Variants in USP20 observed in about 807,000 individuals in gnomAD.
USP20 encodes ubiquitin carboxyl-terminal hydrolase 20.
USP20 carries 80 observed loss-of-function variants against 124.2 expected under a neutral mutation model. The ratio of observed to expected loss-of-function variants is 0.64; its 90% CI spans 0.54 to 0.78. The LOEUF (loss-of-function observed/expected upper bound fraction) is 0.78. USP20 is among the 30% of genes least tolerant of loss of function. USP20 has a pLI of 0.00. For synonymous variants in USP20, 481 were observed against 512.3 expected, an observed-to-expected ratio of 0.94 and a Z score of 0.83; for missense variants, 1,043 against 1,244.4, an observed-to-expected ratio of 0.84 and a Z score of 2.44.
At chr9:129,843,537 C>T (rs561875784) in intron 1 of USP20, among the ~76,000 whole-genome samples, 1 of 152,034 alleles carries the variant, frequency 6.6e-6, no homozygotes. Flanking sequence ...GAGTTCAAGA[C>T]CAGCCTGACC....
chr9:129,875,192 G>T, intron 19 of USP20, 118 bp from the exon 20 acceptor site: 1 of 1,279,712 alleles, frequency 7.8e-7, no homozygotes, highest in Non-Finnish European at 1.1e-6. Flanking sequence ...GACCCGTGAA[G>T]GACCCAGGAG....
intron 15 of USP20, among the ~76,000 whole-genome samples, chr9:129,873,058 A>AT (rs2034199220): frequency 1.2e-5 from 1 of 81,122 alleles, no homozygotes; most frequent in African/African-American, 4.3e-5. Flanking sequence ...CTCAGGTTTT[A>AT]TTTCTTTTTC....
chr9:129,868,172 T>TGACTC lies in USP20; in HGVS notation c.861_865dup (p.Ser289ThrfsTer26). On this transcript the variant is annotated frameshift_variant, in exon 11 of 26. Transcript: ENST00000372429. LOFTEE classifies it high-confidence loss of function. ...CATCAGAAGATGAGTTCTTGTCCTGTGACTCGAGCAGTGACCGGGGTGAGG... is the reference window on the plus strand; with the variant it reads ...CATCAGAAGATGAGTTCTTGTCCTGTGACTCGACTCGAGCAGTGACCGGGGTGAGG... 6.2e-7 allele frequency: 1 copy of TGACTC among 1,614,090 alleles called. No homozygotes were observed. The highest frequency in any genetic ancestry group is 8.5e-7 in the Non-Finnish European group (1 of 1,179,970).
chr9:129,865,466 G>A (rs565495568), intron 10 of USP20, 85 bp downstream of exon 10: 24 of 1,423,846 alleles, frequency 1.7e-5, no homozygotes, highest in Non-Finnish European at 2.2e-5. Context: ...GTGGAAAATC[G>A]CAATGGCAGC....
At chr9:129,874,506 C>A in intron 17 of USP20, 70 bp from the exon 18 acceptor site, 1 of 1,581,150 alleles carries the variant, frequency 6.3e-7, no homozygotes, top group Non-Finnish European at 8.6e-7. Flanking sequence ...CTGTCCTGGG[C>A]CCGTGGGCAA....
rs1174168094 is a variant in USP20 at position 129,875,626 on chromosome 9, A to G, written c.2285A>G (p.Glu762Gly). 1 of 1,614,008 alleles carries G rather than the reference A, an allele frequency of 6.2e-7. No individual in the cohort carries two copies. The highest frequency in any genetic ancestry group is 8.5e-7 in the Non-Finnish European group (1 of 1,179,994). ...GTCATCCTGCCCCAGAACGTCTGGG[A>G]GCACCTGTACAACAGGTGAGAGCCT... ...LVVILPQNVW[E>G]HLYNRFGGGP... is the part of the protein sequence containing the mutation. The change falls in exon 21 of 26, where the codon GAG becomes GGG. Residue 762 changes from glutamate to glycine, a missense_variant. Coordinates refer to ENST00000372429, the MANE Select transcript of USP20 (RefSeq NM_001110303.4).
intron 1 of USP20, among the ~76,000 whole-genome samples, chr9:129,845,091 A>C (rs56120543): frequency 0.013 from 2,019 of 152,238 alleles, 35 homozygotes; most frequent in South Asian, 0.061. Context: ...TACAAAAAAC[A>C]CATGTTGAGG....
intron 6 of USP20, among the ~76,000 whole-genome samples, 180 bp downstream of exon 6, chr9:129,858,778 C>G (rs1409645648): frequency 6.6e-6 from 1 of 152,174 alleles, no homozygotes; most frequent in African/African-American, 2.4e-5. Context: ...GAGCCCAACT[C>G]TGTGCCGAGG....
chr9:129,851,078 A>G (rs1392189699), intron 2 of USP20, among the ~76,000 whole-genome samples: 1 of 152,192 alleles, frequency 6.6e-6, no homozygotes, highest in Non-Finnish European at 1.5e-5. Flanking sequence ...AGCTATAATC[A>G]GCAGTCAGAT....
chr9:129,870,601 A>T, intron 15 of USP20, 54 bp downstream of exon 15: 2 of 1,579,552 alleles, frequency 1.3e-6, no homozygotes, highest in Non-Finnish European at 1.7e-6. Context: ...GGGGACGGGG[A>T]TGTGCAGACC....
chr9:129,846,245 ATATTTTTTT>A (rs1274493765), intron 1 of USP20, among the ~76,000 whole-genome samples: 18 of 43,400 alleles, frequency 4.1e-4, no homozygotes, highest in Non-Finnish European at 7.3e-4. Context: ...ATATATATAT[ATATTTTTTT>A]TTTTTTTTTT....
chr9:129,868,856 C>G lies in USP20; in HGVS notation c.1136-6C>G, dbSNP rs1588277735. 1 of 1,551,926 alleles carries G rather than the reference C, an allele frequency of 6.4e-7. No individual in the cohort carries two copies. Among genetic ancestry groups the G allele is most frequent in the African/African-American group, 1.4e-5 (1 of 73,192 alleles). On this transcript the variant is annotated splice_region_variant and splice_polypyrimidine_tract_variant and intron_variant, in intron 11 of 25. Transcript: ENST00000372429. Reference sequence around the variant, plus strand: ...TGGCCCAGCATGGTACCCTCTCTGCCCCCAGAGCCGGACAATGATGCTCAC... The same window carrying G: ...TGGCCCAGCATGGTACCCTCTCTGCGCCCAGAGCCGGACAATGATGCTCAC...
intron 14 of USP20, 127 bp downstream of exon 14, chr9:129,869,971 C>A: frequency 1.7e-6 from 2 of 1,162,826 alleles, no homozygotes; most frequent in Non-Finnish European, 1.2e-6. Flanking sequence ...GAGCTGGGGG[C>A]CGAAGCCTGC....
At chr9:129,873,985 G>A (rs2034262629) in intron 17 of USP20, among the ~76,000 whole-genome samples, 1 of 152,198 alleles carries the variant, frequency 6.6e-6, no homozygotes, top group Non-Finnish European at 1.5e-5. Flanking sequence ...TGTTGTATGA[G>A]GGCCCAATGG....
At chr9:129,875,824 G>A (rs1252423461) in intron 21 of USP20, among the ~76,000 whole-genome samples, 183 bp downstream of exon 21, 5 of 28,520 alleles carry the variant, frequency 1.8e-4, no homozygotes, top group Non-Finnish European at 3.5e-4. Flanking sequence ...GTGGGAATCC[G>A]CTTGGATCCT....
rs769262030 is a variant in USP20, at chr9:129,868,206, C to T, written c.892C>T (p.Gln298Ter). 6.2e-7 allele frequency: 1 copy of T among 1,613,988 alleles called. No homozygotes were observed. Among genetic ancestry groups the T allele is most frequent in the South Asian group, 1.1e-5 (1 of 91,082 alleles). The change falls in exon 11 of 26, where the codon CAG becomes TAG. Residue 298 changes from glutamine (Q) to a stop codon, truncating the protein, a stop_gained. Coordinates refer to ENST00000372429, the MANE Select transcript of USP20 (RefSeq NM_001110303.4). LOFTEE classifies it high-confidence loss of function. ...CAGTGACCGGGGTGAGGGTGACGGGCAGGGGCGTGGCGGGGGCAGCTCGCA... is the reference window on the plus strand; with the variant it reads ...CAGTGACCGGGGTGAGGGTGACGGGTAGGGGCGTGGCGGGGGCAGCTCGCA... ...SSSDRGEGDGQGRGGGSSQAE... is the reference protein window; with the variant it reads ...SSSDRGEGDG
chr9:129,854,616 G>A (rs920583035), intron 3 of USP20, among the ~76,000 whole-genome samples: 1 of 148,896 alleles, frequency 6.7e-6, no homozygotes, highest in African/African-American at 2.5e-5. Flanking sequence ...GCAAGCATTC[G>A]ATACTTTTAT....
intron 10 of USP20, among the ~76,000 whole-genome samples, 157 bp from the exon 11 acceptor site, chr9:129,867,848 G>T (rs1013581047): frequency 6.6e-6 from 1 of 152,186 alleles, no homozygotes; most frequent in Non-Finnish European, 1.5e-5. Context: ...AGGACAGACT[G>T]CCATGGGAGG....
At chr9:129,836,981 A>G (rs1351873089) in intron 1 of USP20, among the ~76,000 whole-genome samples, 1 of 152,056 alleles carries the variant, frequency 6.6e-6, no homozygotes, top group Admixed American at 6.6e-5. Flanking sequence ...GGAAAGGGCA[A>G]GAAGGCCAGG....
Sources: gnomAD v4.1 joint callset for allele counts (sites outside exome capture counted in the v4.1 genomes callset) on GRCh38, gnomAD v4.1.1 for gene constraint, MANE v1.5 for transcripts, NCBI Gene and HGNC (gene_info 2026-07-23, HGNC 2026-07-21) for gene names.